The following CDKAL1 variants were observed in gnomAD, a reference collection of about 807,000 sequenced individuals.
CDKAL1 encodes the protein CDKAL1 threonylcarbamoyladenosine tRNA methylthiotransferase, also known as threonylcarbamoyladenosine tRNA methylthiotransferase.
A neutral mutation model predicts 68.2 loss-of-function variants in CDKAL1; 32 were observed. The ratio of observed to expected loss-of-function variants is 0.47; its 90% CI spans 0.35 to 0.63. The LOEUF (loss-of-function observed/expected upper bound fraction) is 0.63. Among genes scored for constraint, CDKAL1 ranks in the 30% least tolerant of loss-of-function variants. The pLI is 0.00. For synonymous variants in CDKAL1, 234 were observed against 244.3 expected (o/e 0.96, Z 0.39); for missense variants, 606 against 696.7 (o/e 0.87, Z 1.47).
At chr6:20,988,192 G>GTGTGTGTT (rs1239278945) in intron 10 of CDKAL1, among the ~76,000 whole-genome samples, 1 of 150,580 alleles carries the variant, frequency 6.6e-6, no homozygotes, top group Non-Finnish European at 1.5e-5. Context: ...ATGTGTGTGT[G>GTGTGTGTT]TGTGTGTGTG....
chr6:21,193,295 C>T (rs895479182), intron 13 of CDKAL1, among the ~76,000 whole-genome samples: 5 of 152,154 alleles, frequency 3.3e-5, no homozygotes, highest in African/African-American at 1.2e-4. Flanking sequence ...CATACATTTA[C>T]TGTTTAAAAA....
intron 15 of CDKAL1, among the ~76,000 whole-genome samples, chr6:21,209,280 G>A (rs558051269): frequency 2.6e-5 from 4 of 152,236 alleles, no homozygotes; most frequent in Admixed American, 6.5e-5. Context: ...CTTTGTCCAC[G>A]TTCAAGATAG....
chr6:21,209,454 G>A (rs896882063), intron 15 of CDKAL1, among the ~76,000 whole-genome samples: 1 of 152,176 alleles, frequency 6.6e-6, no homozygotes, highest in Admixed American at 6.5e-5. Flanking sequence ...ATCCAGGAAC[G>A]GAATGAAATC....
chr6:20,609,045 G>T (rs1276740701), intron 4 of CDKAL1, among the ~76,000 whole-genome samples: 4 of 152,162 alleles, frequency 2.6e-5, no homozygotes, highest in Non-Finnish European at 5.9e-5. Flanking sequence ...TTTCATGTCT[G>T]TGTCTTTATC....
At chr6:21,114,228 A>G (rs1774279398) in intron 13 of CDKAL1, among the ~76,000 whole-genome samples, 1 of 141,630 alleles carries the variant, frequency 7.1e-6, no homozygotes, top group Admixed American at 7.1e-5. Flanking sequence ...GGCCTGGGCA[A>G]CAGAGCAAGA....
At chr6:20,712,081 C>T (rs542145049) in intron 5 of CDKAL1, among the ~76,000 whole-genome samples, 82 of 152,146 alleles carry the variant, frequency 5.4e-4, no homozygotes, top group African/African-American at 1.8e-3. Flanking sequence ...CAAACAAAAT[C>T]GGATCTCTGC....
chr6:20,962,995 G>C (rs978282546), intron 10 of CDKAL1, among the ~76,000 whole-genome samples: 2 of 152,154 alleles, frequency 1.3e-5, no homozygotes, highest in African/African-American at 4.8e-5. Context: ...ACAGAAGTTT[G>C]TGTCTTTCTG....
intron 7 of CDKAL1, among the ~76,000 whole-genome samples, chr6:20,759,623 A>G (rs1162669238): frequency 9.2e-5 from 14 of 152,192 alleles, no homozygotes; most frequent in Admixed American, 9.2e-4. Context: ...AAGTACTTTT[A>G]ACAGTAATAA....
chr6:20,921,152 A>C (rs1007097390), intron 9 of CDKAL1, among the ~76,000 whole-genome samples: 11 of 152,140 alleles, frequency 7.2e-5, no homozygotes, highest in Admixed American at 3.9e-4. Flanking sequence ...ATAAACTGGC[A>C]AGGCACGGTG....
intron 4 of CDKAL1, among the ~76,000 whole-genome samples, chr6:20,603,708 T>C (rs1458970536): frequency 6.6e-6 from 1 of 151,788 alleles, no homozygotes; most frequent in Non-Finnish European, 1.5e-5. Flanking sequence ...TTGCCTACTA[T>C]GTCTGCAGTA....
chr6:21,054,737 A>G (rs1275186509), intron 11 of CDKAL1, among the ~76,000 whole-genome samples: 1 of 152,090 alleles, frequency 6.6e-6, no homozygotes, highest in Non-Finnish European at 1.5e-5. Context: ...TGTGAATGGA[A>G]TTGGATTCTT....
At chr6:21,059,921 C>T (rs1244087553) in intron 11 of CDKAL1, among the ~76,000 whole-genome samples, 1 of 152,162 alleles carries the variant, frequency 6.6e-6, no homozygotes, top group Non-Finnish European at 1.5e-5. Flanking sequence ...GTCCCACCCT[C>T]CCCCTTCTGA....
At chr6:20,560,270 A>C (rs1218782316) in intron 4 of CDKAL1, among the ~76,000 whole-genome samples, 1 of 152,218 alleles carries the variant, frequency 6.6e-6, no homozygotes, top group Non-Finnish European at 1.5e-5. Context: ...ACTTTTTAGC[A>C]GTATTTATAT....
At chr6:21,205,758 C>G (rs1778894686) in intron 15 of CDKAL1, among the ~76,000 whole-genome samples, 1 of 150,216 alleles carries the variant, frequency 6.7e-6, no homozygotes, top group Non-Finnish European at 1.5e-5. Context: ...GTCTCGATCT[C>G]CTGACCTCGT....
chr6:20,799,804 C>G (rs1776291457), intron 8 of CDKAL1: 1 of 152,216 alleles, frequency 6.6e-6, no homozygotes, highest in African/African-American at 2.4e-5. Context: ...ACCAGACTTG[C>G]AATTTGTCTT....
At chr6:20,658,735 G>T (rs1344627460) in intron 5 of CDKAL1, among the ~76,000 whole-genome samples, 1 of 152,012 alleles carries the variant, frequency 6.6e-6, no homozygotes, top group Non-Finnish European at 1.5e-5. Context: ...CAGTTTAAAA[G>T]AATTAAAAAA....
chr6:21,175,555 C>G lies in CDKAL1; in HGVS notation c.1300-22466C>G, dbSNP rs550703716. Reference sequence around the variant, plus strand: ...TTATAATTAGCTTCTACTTTTTCTTCCACAGATTTAGCCTTTTATTTTTAT... The same window carrying G: ...TTATAATTAGCTTCTACTTTTTCTTGCACAGATTTAGCCTTTTATTTTTAT... On this transcript the variant is annotated intron_variant, in intron 13 of 15. Transcript: ENST00000274695. 1.7e-3 allele frequency among the ~76,000 whole-genome samples: 255 copies of G among 152,248 alleles called. 1 individual carries two copies. The highest frequency in any genetic ancestry group is 3.1e-3 in the Non-Finnish European group (212 of 68,014).
intron 12 of CDKAL1, among the ~76,000 whole-genome samples, chr6:21,072,554 C>CAAAAAAAAA (rs71540611): frequency 0.025 from 1,113 of 44,490 alleles, 98 homozygotes; most frequent in Admixed American, 0.035. Flanking sequence ...GACTCCGTCT[C>CAAAAAAAAA]AAAAAAAAAA....
chr6:21,053,354 G>C (rs1770645434), intron 11 of CDKAL1, among the ~76,000 whole-genome samples: 1 of 152,098 alleles, frequency 6.6e-6, no homozygotes, highest in African/African-American at 2.4e-5. Context: ...GCCACATTTT[G>C]TTATTCATTC....
Sources: allele counts gnomAD v4.1 joint callset (sites outside exome capture counted in the v4.1 genomes callset), GRCh38; gene constraint gnomAD v4.1.1; transcripts MANE v1.5; gene names NCBI Gene and HGNC (gene_info 2026-07-23, HGNC 2026-07-21).